The following GNB4 variants were observed in gnomAD, a reference collection of about 807,000 sequenced individuals.
The protein encoded by GNB4 is G protein subunit beta 4.
A neutral mutation model predicts 45.2 loss-of-function variants in GNB4; 28 were observed. That is an observed-to-expected ratio of 0.62 (90% CI 0.46 to 0.85). GNB4 has a LOEUF of 0.85. GNB4 is among the 40% of genes least tolerant of loss of function. The probability of loss-of-function intolerance (pLI) is 0.00; values close to 1 mark genes in which losing one functional copy is unlikely to be tolerated. For missense variants in GNB4, 321 were observed against 425.4 expected (o/e 0.75, Z 2.16); for synonymous variants, 132 against 143.7 (o/e 0.92, Z 0.58).
intron 1 of GNB4, among the ~76,000 whole-genome samples, chr3:179,439,391 C>G (rs1715541154): frequency 6.6e-6 from 1 of 152,152 alleles, no homozygotes; most frequent in South Asian, 2.1e-4. Context: ...CTCACTAAGC[C>G]TAAAGGAAAA....
chr3:179,402,009 C>T (rs748343570), intron 9 of GNB4, among the ~76,000 whole-genome samples: 5 of 152,134 alleles, frequency 3.3e-5, no homozygotes, highest in African/African-American at 4.8e-5. Context: ...TTTTTAAATA[C>T]AGTGTTTGAA....
At chr3:179,498,783 ATATTT>A in the GNB4 span, among the ~76,000 whole-genome samples, 7 of 83,298 alleles carry the variant, frequency 8.4e-5, no homozygotes, top group African/African-American at 3.2e-4. Flanking sequence ...TTTCTTTATT[ATATTT>A]TAAGTTGTGG....
chr3:179,464,999 C>T, the GNB4 span: 2 of 1,536,484 alleles, frequency 1.3e-6, no homozygotes, highest in East Asian at 2.3e-5. Context: ...AGATGGGGTG[C>T]ATGAACGTCC....
At chr3:179,479,944 C>T in the GNB4 span, among the ~76,000 whole-genome samples, 1 of 152,190 alleles carries the variant, frequency 6.6e-6, no homozygotes, top group African/African-American at 2.4e-5. Context: ...ACGAATCCCT[C>T]TGCCCACGTG....
At chr3:179,438,799 G>A (rs149406565) in intron 1 of GNB4, among the ~76,000 whole-genome samples, 1 of 152,142 alleles carries the variant, frequency 6.6e-6, no homozygotes, top group Non-Finnish European at 1.5e-5. Context: ...GGTTTCAAAG[G>A]GGGAGAGAGA....
At chr3:179,406,163 T>G (rs1393215105) in intron 8 of GNB4, among the ~76,000 whole-genome samples, 1 of 152,244 alleles carries the variant, frequency 6.6e-6, no homozygotes, top group Admixed American at 6.5e-5. Context: ...ATAGTAATAT[T>G]ACTACAGATT....
chr3:179,500,559 T>A, the GNB4 span, among the ~76,000 whole-genome samples: 2 of 152,216 alleles, frequency 1.3e-5, no homozygotes, highest in East Asian at 1.9e-4. Context: ...TTGTCTTGGC[T>A]ATGCAGGCTC....
At chr3:179,467,627 G>A in the GNB4 span, among the ~76,000 whole-genome samples, 1 of 152,128 alleles carries the variant, frequency 6.6e-6, no homozygotes, top group Non-Finnish European at 1.5e-5. Context: ...ATTTACTCAA[G>A]GTTCAAGTCA....
At chr3:179,415,285 ATAAT>A (rs1714764442) in intron 5 of GNB4, among the ~76,000 whole-genome samples, 3 of 152,228 alleles carry the variant, frequency 2.0e-5, no homozygotes, top group East Asian at 1.9e-4. Flanking sequence ...CTTTTTGGAA[ATAAT>A]TCTCTTAATA....
At chr3:179,421,877 GC>G (rs1714991249) in intron 2 of GNB4, among the ~76,000 whole-genome samples, 1 of 152,152 alleles carries the variant, frequency 6.6e-6, no homozygotes, top group Non-Finnish European at 1.5e-5. Flanking sequence ...GAATAATGTA[GC>G]CCACTTTCCT....
the GNB4 span, among the ~76,000 whole-genome samples, chr3:179,512,344 A>G: frequency 6.6e-6 from 1 of 152,240 alleles, no homozygotes; most frequent in South Asian, 2.1e-4. Flanking sequence ...CAAGACTTTC[A>G]AAGCTCTAGC....
At chr3:179,404,180 C>T (rs1714393791) in intron 9 of GNB4, among the ~76,000 whole-genome samples, 1 of 152,152 alleles carries the variant, frequency 6.6e-6, no homozygotes, top group African/African-American at 2.4e-5. Context: ...GAAGTCATAA[C>T]ACATCTCATG....
At chr3:179,458,176 T>C in the GNB4 span, among the ~76,000 whole-genome samples, 1 of 152,212 alleles carries the variant, frequency 6.6e-6, no homozygotes, top group African/African-American at 2.4e-5. Context: ...GTGCTGGGAT[T>C]ACAGGCGTGA....
In GNB4 at chr3:179,405,389, A is replaced by G. The variant is rs2108580095; in HGVS notation, c.717T>C (p.Tyr239=). Residue 239 remains tyrosine (Y), a synonymous_variant, in exon 9 of 10, where the codon TAT becomes TAC. Coordinates refer to ENST00000232564, the MANE Select transcript of GNB4 (RefSeq NM_021629.4). ...CATCATCAGAGCCAGTGGCGAAGGC[A>G]TATCCATTTGGGAAAAACTAGACAG... is the stretch of plus-strand genomic sequence containing the variant. ...INAVSFFPNG[Y]AFATGSDDAT... 1.2e-6 allele frequency: 2 copies of G among 1,611,224 alleles called. No individual in the cohort carries two copies. Among genetic ancestry groups the G allele is most frequent in the Non-Finnish European group, 1.7e-6 (2 of 1,177,988 alleles).
chr3:179,416,578 T>C, intron 4 of GNB4, 22 bp from the exon 5 acceptor site: 3 of 1,512,796 alleles, frequency 2.0e-6, no homozygotes, highest in Non-Finnish European at 2.7e-6. Context: ...AACACAAAAA[T>C]AATTTGACAC....
intron 1 of GNB4, among the ~76,000 whole-genome samples, chr3:179,437,278 G>A (rs1715477712): frequency 6.6e-6 from 1 of 152,096 alleles, no homozygotes; most frequent in Admixed American, 6.6e-5. Context: ...ATGTTCATAT[G>A]AGGTAGGAAA....
At chr3:179,439,783 G>C (rs1432004982) in intron 1 of GNB4, among the ~76,000 whole-genome samples, 3 of 152,098 alleles carry the variant, frequency 2.0e-5, no homozygotes, top group Non-Finnish European at 4.4e-5. Flanking sequence ...CCAATATCCT[G>C]CCCTTTCTCC....
At chr3:179,518,618 A>T in the GNB4 span, among the ~76,000 whole-genome samples, 84,891 of 151,930 alleles carry the variant, frequency 0.56, 24,024 homozygotes, top group African/African-American at 0.62. Flanking sequence ...CGGTCCGGCT[A>T]ACAGTTTCAT....
the GNB4 span, among the ~76,000 whole-genome samples, chr3:179,507,784 A>G: frequency 6.6e-6 from 1 of 152,200 alleles, no homozygotes; most frequent in African/African-American, 2.4e-5. Context: ...AGCACTTTGT[A>G]CAATCTTGGT....
Sources: allele counts gnomAD v4.1 joint callset (sites outside exome capture counted in the v4.1 genomes callset), GRCh38; gene constraint gnomAD v4.1.1; transcripts MANE v1.5; gene names NCBI Gene and HGNC (gene_info 2026-07-23, HGNC 2026-07-21).